The following CNOT8 variants were observed in gnomAD, a reference collection of about 807,000 sequenced individuals.
CNOT8 encodes the protein CCR4-NOT transcription complex subunit 8, also known as CAF1-like protein.
CNOT8 carries 18 observed loss-of-function variants against 34.6 expected under a neutral mutation model. That is an observed-to-expected ratio of 0.52 (90% CI 0.36 to 0.77). The LOEUF (loss-of-function observed/expected upper bound fraction) is 0.77. Ranked by LOEUF, CNOT8 falls within the 30% of genes least tolerant of loss-of-function variation. CNOT8 has a pLI of 0.00. For missense variants in CNOT8, 189 were observed against 347.9 expected (o/e 0.54, Z 3.63); for synonymous variants, 101 against 118.8 (o/e 0.85, Z 0.98).
Position 154,875,449 on chromosome 5 carries a change from G to T in CNOT8, c.*10G>T, listed in dbSNP as rs770150803. ...CAACATGCAGCAGTGATGGCGCCAG[G>T]CTCTGCAGGGTGGGCCTGATCCCAG... On this transcript the variant is annotated 3_prime_UTR_variant, in exon 7 of 7. Coordinates refer to ENST00000285896, the MANE Select transcript of CNOT8 (RefSeq NM_001301073.2). The T allele has an allele frequency of 1.1e-5, 17 of 1,612,818 alleles. No homozygotes were observed. The highest frequency in any genetic ancestry group is 1.4e-5 in the Non-Finnish European group (17 of 1,179,872).
Position 154,872,931 on chromosome 5 carries a change from A to G in CNOT8, c.729+280A>G, listed in dbSNP as rs193273120. ...TTATAGGTGCCCGCCACCATGCCCT[A>G]CTAATTTTTGTATTTTTAGTAGAGA... On this transcript the variant is annotated intron_variant, in intron 6 of 6. Coordinates refer to ENST00000285896, the MANE Select transcript of CNOT8 (RefSeq NM_001301073.2). 1.6e-3 allele frequency among the ~76,000 whole-genome samples: 237 copies of G among 152,070 alleles called. 1 individual carries two copies. Among genetic ancestry groups the G allele is most frequent in the African/African-American group, 5.5e-3 (229 of 41,484 alleles).
chr5:154,865,835 G>C lies in CNOT8; in HGVS notation c.311+450G>C, dbSNP rs542702702. On this transcript the variant is annotated intron_variant, in intron 3 of 6. Transcript: ENST00000285896. The stretch of plus-strand genomic sequence containing the variant: ...GCAGTTCCTGAAAAGGTTAAACATA[G>C]AGTTGCCATATGACCTAGCAATTCC... Among the ~76,000 whole-genome samples, 3 of 152,318 alleles carry C rather than the reference G, an allele frequency of 2.0e-5. No individual in the cohort carries two copies. The East Asian group carries it at 5.8e-4, about 29-fold the overall frequency.
chr5:154,875,265 C>T, intron 6 of CNOT8, 25 bp from the exon 7 acceptor site: 1 of 1,612,206 alleles, frequency 6.2e-7, no homozygotes, highest in Non-Finnish European at 8.5e-7. Context: ...TAACTCTCAC[C>T]ATGGTTCTCT....
At chr5:154,870,033 C>T (rs1474309032) in intron 3 of CNOT8, among the ~76,000 whole-genome samples, 1 of 152,224 alleles carries the variant, frequency 6.6e-6, no homozygotes, top group African/African-American at 2.4e-5. Context: ...GCTGGTATTA[C>T]AGGTGTGAGC....
chr5:154,875,306 G>T lies in CNOT8; in HGVS notation c.746G>T (p.Ser249Ile). The stretch of plus-strand genomic sequence containing the variant: ...ATTCTGCAGTTGTTTTTTGAGGACA[G>T]CATTGATGATGCCAAGTACTGTGGG... The part of the protein sequence containing the change: ...FRMKELFFED[S>I]IDDAKYCGRL... The change falls in exon 7 of 7, where the codon AGC becomes ATC. Residue 249 changes from serine (S) to isoleucine (I), a missense_variant. Ser to Ile is a moderately radical substitution (Grantham distance 142). Around this residue, in one of 2 missense-constraint regions of CNOT8, gnomAD observed 160 missense variants for 321.9 expected, o/e 0.50. Coordinates refer to ENST00000285896, the MANE Select transcript of CNOT8 (RefSeq NM_001301073.2). 1 of 1,614,050 alleles carries T rather than the reference G, an allele frequency of 6.2e-7. No individual in the cohort carries two copies. The highest frequency in any genetic ancestry group is 8.5e-7 in the Non-Finnish European group (1 of 1,180,000).
chr5:154,872,347 A>G (rs1407686055), intron 5 of CNOT8, among the ~76,000 whole-genome samples, 194 bp from the exon 6 acceptor site: 1 of 152,234 alleles, frequency 6.6e-6, no homozygotes, highest in African/African-American at 2.4e-5. Flanking sequence ...AAGGAGCAAA[A>G]TGTAGGATGT....
rs1464536720 is a variant in CNOT8, at chr5:154,876,351, C to T, written c.*912C>T. 2.0e-5 allele frequency: 3 copies of T among 152,168 alleles called. No homozygotes were observed. Among genetic ancestry groups the T allele is most frequent in the East Asian group, 3.8e-4 (2 of 5,202 alleles). The allele number at this position is 152,168 out of a possible 1,614,324, so 9.4% of individuals were successfully genotyped here. A position where few individuals can be genotyped will look rare whatever the true frequency, so the allele number is the denominator to read the frequency against. On this transcript the variant is annotated 3_prime_UTR_variant, in exon 7 of 7. Coordinates refer to ENST00000285896, the MANE Select transcript of CNOT8 (RefSeq NM_001301073.2). ...TCTACTCCATTATTTCTCTACTTTT[C>T]CTTCCAGCAAACCTGAAACGTGAGG... is the stretch of plus-strand genomic sequence containing the variant.
intron 5 of CNOT8, 141 bp from the exon 6 acceptor site, chr5:154,872,400 A>G: frequency 1.9e-6 from 1 of 531,118 alleles, no homozygotes. Flanking sequence ...AAGAGCTAAA[A>G]AGAGGTTACT....
At chr5:154,860,903 G>A (rs1241804111) in intron 1 of CNOT8, among the ~76,000 whole-genome samples, 1 of 152,126 alleles carries the variant, frequency 6.6e-6, no homozygotes, top group African/African-American at 2.4e-5. Flanking sequence ...AGTTAAAGGC[G>A]TCTTTTGGTT....
intron 4 of CNOT8, 80 bp from the exon 5 acceptor site, chr5:154,871,650 A>G: frequency 7.3e-7 from 1 of 1,373,266 alleles, no homozygotes; most frequent in Admixed American, 2.0e-5. Context: ...AGCATTTACA[A>G]GCTTTGAGAA....
At chr5:154,870,624 T>C in intron 3 of CNOT8, 37 bp from the exon 4 acceptor site, 1 of 1,561,788 alleles carries the variant, frequency 6.4e-7, no homozygotes, top group Non-Finnish European at 8.8e-7. Context: ...TCTGTTTCAT[T>C]ATTCACCAGT....
At chr5:154,864,785 G>T (rs1254318361) in intron 2 of CNOT8, among the ~76,000 whole-genome samples, 3 of 152,150 alleles carry the variant, frequency 2.0e-5, no homozygotes, top group Non-Finnish European at 4.4e-5. Context: ...TGGGTGTGTT[G>T]GCTGATGCCT....
chr5:154,871,467 G>A (rs1762472708), intron 4 of CNOT8, among the ~76,000 whole-genome samples: 1 of 150,730 alleles, frequency 6.6e-6, no homozygotes, highest in Admixed American at 6.7e-5. Context: ...GCTGAGGCAG[G>A]GATAATTGCT....
chr5:154,858,737 C>T lies in CNOT8; in HGVS notation c.-104C>T, dbSNP rs1465774273. On this transcript the variant is annotated 5_prime_UTR_variant, in exon 1 of 7. Transcript: ENST00000285896. ...CCAGCCCGCCAGCTCGTCAGCCCGC[C>T]AGCCAGCGCTTCGCGGGCCCTGTCG... 2 of 152,166 alleles carry T rather than the reference C, an allele frequency of 1.3e-5. No homozygotes were observed. Among genetic ancestry groups the T allele is most frequent in the Admixed American group, 6.5e-5 (1 of 15,270 alleles). The allele number at this position is 152,166 out of a possible 1,614,324, so 9.4% of individuals were successfully genotyped here. A position where few individuals can be genotyped will look rare whatever the true frequency, so the allele number is the denominator to read the frequency against.
intron 3 of CNOT8, chr5:154,870,357 T>C: frequency 5.3e-6 from 1 of 189,270 alleles, no homozygotes; most frequent in Non-Finnish European, 1.1e-5. Flanking sequence ...GTGCTGGGAT[T>C]ACAGGCGTGC....
chr5:154,863,346 A>G lies in CNOT8; in HGVS notation c.68A>G (p.Glu23Gly), dbSNP rs1157521926. The change falls in exon 2 of 7, where the codon GAG becomes GGG. Residue 23 changes from glutamate (E) to glycine (G), a missense_variant. This residue lies in a region of CNOT8 where 160 missense variants were observed against 321.9 expected (regional missense o/e 0.50). Transcript: ENST00000285896. ...GTGTGGGCCAGTAATCTAGAAGAAG[A>G]GATGAGGAAGATCCGAGAAATCGTG... ...CEVWASNLEE[E>G]MRKIREIVLS... is the part of the protein sequence containing the mutation. The G allele has an allele frequency of 6.2e-7, 1 of 1,614,098 alleles. No homozygotes were observed.
At chr5:154,863,787 C>T (rs1018331764) in intron 2 of CNOT8, among the ~76,000 whole-genome samples, 3 of 152,092 alleles carry the variant, frequency 2.0e-5, no homozygotes, top group Admixed American at 1.3e-4. Context: ...TAACATTATT[C>T]TGTTTGAAAG....
chr5:154,870,606 C>A, intron 3 of CNOT8, 55 bp from the exon 4 acceptor site: 1 of 1,390,838 alleles, frequency 7.2e-7, no homozygotes, highest in Non-Finnish European at 1.0e-6. Flanking sequence ...AATAGTGTGG[C>A]CACTACTTCT....
intron 2 of CNOT8, 60 bp from the exon 3 acceptor site, chr5:154,865,131 TA>T (rs1361177238): frequency 2.4e-5 from 31 of 1,295,814 alleles, no homozygotes; most frequent in Non-Finnish European, 3.3e-5. Context: ...ATTTATGAAT[TA>T]CCAATTCAGC....
Sources: allele counts gnomAD v4.1 joint callset (sites outside exome capture counted in the v4.1 genomes callset), GRCh38; gene constraint gnomAD v4.1.1; regional missense constraint gnomAD v4.1.1; transcripts MANE v1.5; gene names NCBI Gene and HGNC (gene_info 2026-07-23, HGNC 2026-07-21).